The following KLRG1 variants were observed in gnomAD, a reference collection of about 807,000 sequenced individuals.
KLRG1 encodes killer cell lectin-like receptor subfamily G member 1.
A neutral mutation model predicts 21.8 loss-of-function variants in KLRG1; 16 were observed. The ratio of observed to expected loss-of-function variants is 0.73; its 90% confidence interval spans 0.50 to 1.11. KLRG1 has a LOEUF of 1.11. Ranked by LOEUF, KLRG1 falls within the 50% of genes most tolerant of loss-of-function variation. KLRG1 has a pLI of 0.00. For missense variants in KLRG1, 173 were observed against 218.3 expected, an observed-to-expected ratio of 0.79 and a Z score of 1.31; for synonymous variants, 69 against 75.9, an observed-to-expected ratio of 0.91 and a Z score of 0.47.
chr12:9,124,052 G>A, the KLRG1 span, among the ~76,000 whole-genome samples: 3 of 152,176 alleles, frequency 2.0e-5, no homozygotes, highest in African/African-American at 4.8e-5. Context: ...GAGCAAATCT[G>A]ACTGATTTTC....
intron 1 of KLRG1, among the ~76,000 whole-genome samples, chr12:8,979,780 A>G (rs1946724993): frequency 6.6e-6 from 1 of 152,024 alleles, no homozygotes; most frequent in Non-Finnish European, 1.5e-5. Flanking sequence ...GGATAATTTC[A>G]AATAACCTGT....
At chr12:9,128,606 G>A in the KLRG1 span, 1 of 152,218 alleles carries the variant, frequency 6.6e-6, no homozygotes, top group African/African-American at 2.4e-5. Context: ...GCGCCAGAAA[G>A]ATCCTTACAG....
chr12:9,043,431 G>A, the KLRG1 span, among the ~76,000 whole-genome samples: 1 of 152,134 alleles, frequency 6.6e-6, no homozygotes, highest in South Asian at 2.1e-4. Flanking sequence ...CTTGTCTCCT[G>A]TGCTCAAGGA....
the KLRG1 span, chr12:9,066,868 AC>A: frequency 6.6e-6 from 1 of 152,324 alleles, no homozygotes; most frequent in South Asian, 2.1e-4. Context: ...TAGGACTCCT[AC>A]GATTGTCCTC....
the KLRG1 span, among the ~76,000 whole-genome samples, chr12:9,045,568 C>G: frequency 6.6e-6 from 1 of 152,088 alleles, no homozygotes; most frequent in Non-Finnish European, 1.5e-5. Context: ...TTGGAATTAA[C>G]AGGCTGGAAA....
At chr12:8,996,158 T>C (rs1021642559) in intron 3 of KLRG1, among the ~76,000 whole-genome samples, 4 of 152,080 alleles carry the variant, frequency 2.6e-5, no homozygotes, top group Admixed American at 2.6e-4. Flanking sequence ...CGCGTGCACG[T>C]GCATGTGTGT....
the KLRG1 span, chr12:9,196,732 A>G: frequency 1.4e-5 from 20 of 1,451,970 alleles, no homozygotes; most frequent in Admixed American, 2.3e-4. Flanking sequence ...ATTGAGATCA[A>G]TAGTCACTGA....
chr12:8,992,008 G>A (rs374639033), intron 1 of KLRG1, 198 bp from the exon 2 acceptor site: 2 of 478,114 alleles, frequency 4.2e-6, no homozygotes, highest in Non-Finnish European at 7.5e-6. Context: ...AATATAGTAA[G>A]TTCTTTGATA....
the KLRG1 span, chr12:9,163,999 G>T: frequency 7.7e-7 from 1 of 1,300,742 alleles, no homozygotes; most frequent in Non-Finnish European, 1.0e-6. Flanking sequence ...GGTCATAGTG[G>T]ATAGAAATAG....
chr12:9,081,278 A>AT, the KLRG1 span, among the ~76,000 whole-genome samples: 17 of 151,768 alleles, frequency 1.1e-4, no homozygotes, highest in Admixed American at 9.2e-4. Context: ...CAACAGCAAA[A>AT]TTTTTTTTTC....
chr12:9,016,087 C>T, the KLRG1 span, among the ~76,000 whole-genome samples: 5 of 151,970 alleles, frequency 3.3e-5, no homozygotes, highest in Admixed American at 1.3e-4. Flanking sequence ...CTTAACAATG[C>T]GTCTTAAAGA....
chr12:9,181,445 A>G, the KLRG1 span, among the ~76,000 whole-genome samples: 1 of 152,216 alleles, frequency 6.6e-6, no homozygotes, highest in South Asian at 2.1e-4. Context: ...ATCAAAAGTG[A>G]TTCTATTTAG....
the KLRG1 span, chr12:9,098,450 A>ATAT: frequency 2.0e-6 from 1 of 497,072 alleles, no homozygotes; most frequent in Non-Finnish European, 3.1e-6. Flanking sequence ...ATATATATAT[A>ATAT]ATTCCTTACC....
chr12:9,057,052 G>C, the KLRG1 span, among the ~76,000 whole-genome samples: 1 of 152,174 alleles, frequency 6.6e-6, no homozygotes, highest in Non-Finnish European at 1.5e-5. Context: ...TTGCACGACT[G>C]ATAGGCTTAC....
the KLRG1 span, among the ~76,000 whole-genome samples, chr12:9,039,738 A>G: frequency 1.9e-4 from 29 of 152,338 alleles, no homozygotes; most frequent in Admixed American, 1.8e-3. Context: ...CTTCTATTCA[A>G]TCACTAGAGG....
the KLRG1 span, among the ~76,000 whole-genome samples, chr12:9,173,497 G>T: frequency 1.3e-5 from 2 of 151,972 alleles, no homozygotes; most frequent in Non-Finnish European, 2.9e-5. Flanking sequence ...AGGAGATAGA[G>T]ACATGAAAAA....
the KLRG1 span, among the ~76,000 whole-genome samples, chr12:9,022,545 G>C: frequency 6.6e-6 from 1 of 152,104 alleles, no homozygotes; most frequent in Non-Finnish European, 1.5e-5. Context: ...GTATGCTCAT[G>C]AATGACTGGT....
chr12:8,993,242 T>C (rs1326053467), intron 2 of KLRG1, among the ~76,000 whole-genome samples: 2 of 152,092 alleles, frequency 1.3e-5, no homozygotes, highest in Non-Finnish European at 1.5e-5. Context: ...TTTTAGGGGA[T>C]GATAGTGACC....
At chr12:9,093,583 T>C in the KLRG1 span, 7 of 1,127,232 alleles carry the variant, frequency 6.2e-6, no homozygotes, top group Admixed American at 1.1e-4. Context: ...TCTGACTCTA[T>C]GGTGAGTGAG....
Sources: allele counts gnomAD v4.1 joint callset (sites outside exome capture counted in the v4.1 genomes callset), GRCh38; gene constraint gnomAD v4.1.1; transcripts MANE v1.5; gene names NCBI Gene and HGNC (gene_info 2026-07-23, HGNC 2026-07-21).